Variants in SNX25 observed in about 807,000 individuals in gnomAD.
SNX25 encodes sorting nexin-25.
In SNX25, 62 loss-of-function variants were observed where a neutral mutation model predicts 113.7. The ratio of observed to expected loss-of-function variants is 0.55; its 90% CI spans 0.44 to 0.67. The LOEUF is 0.67. Ranked by LOEUF, SNX25 falls within the 30% of genes least tolerant of loss-of-function variation. The pLI, the probability that SNX25 is intolerant of heterozygous loss-of-function variation, is 0.00. For synonymous variants in SNX25, 421 were observed against 436.2 expected (o/e 0.97, Z 0.43); for missense variants, 1,014 against 1,161.0 (o/e 0.87, Z 1.84).
At chr4:185,367,258 A>G (rs761458058), downstream of SNX25, 5 of 1,610,052 alleles carry the variant, frequency 3.1e-6, no homozygotes, top group Non-Finnish European at 4.2e-6. Flanking sequence ...TAAAATCAAA[A>G]AGAGTCAGAT....
intron 1 of SNX25, among the ~76,000 whole-genome samples, chr4:185,241,621 G>C (rs112087053): frequency 6.7e-6 from 1 of 149,740 alleles, no homozygotes; most frequent in African/African-American, 2.5e-5. Context: ...ACAGGATAGC[G>C]GTCTGGTTCA....
chr4:185,312,117 G>C (rs2095035815), intron 7 of SNX25, among the ~76,000 whole-genome samples: 1 of 152,018 alleles, frequency 6.6e-6, no homozygotes, highest in African/African-American at 2.4e-5. Flanking sequence ...TTAATTTCTA[G>C]CCACATTTAT....
rs751250321 is a variant in SNX25 at position 185,346,558 on chromosome 4, G to A, written c.2209G>A (p.Val737Ile). The change falls in exon 13 of 19, where the codon GTC becomes ATC. Residue 737 changes from valine to isoleucine, a missense_variant. Val to Ile is a conservative substitution (Grantham distance 29, BLOSUM62 3). Coordinates refer to ENST00000652585, the MANE Select transcript of SNX25 (RefSeq NM_001378034.2). ...ACAGTGCGTCCCTTCTTTAAAAAAAGTCCAGTTGCCTTCTCTTAGCAAGCT... is the reference window on the plus strand; with the variant it reads ...ACAGTGCGTCCCTTCTTTAAAAAAAATCCAGTTGCCTTCTCTTAGCAAGCT... ...LSECVPSLKK[V>I]QLPSLSKLPF... 6.3e-7 allele frequency: 1 copy of A among 1,594,230 alleles called. No individual in the cohort carries two copies. Among genetic ancestry groups the A allele is most frequent in the Non-Finnish European group, 8.5e-7 (1 of 1,174,616 alleles).
chr4:185,327,517 G>T (rs2095164824), intron 9 of SNX25, among the ~76,000 whole-genome samples: 1 of 152,078 alleles, frequency 6.6e-6, no homozygotes, highest in Non-Finnish European at 1.5e-5. Context: ...TTTAGGACAA[G>T]AATTTACCAT....
chr4:185,274,916 A>G (rs994805334), intron 5 of SNX25, among the ~76,000 whole-genome samples: 17 of 152,200 alleles, frequency 1.1e-4, no homozygotes, highest in Non-Finnish European at 4.4e-5. Context: ...TTCAAATCCC[A>G]TATTTAAGGC....
intron 1 of SNX25, among the ~76,000 whole-genome samples, chr4:185,212,489 G>GTGTGTGTGTGTGTTTT (rs1560889937): frequency 2.3e-5 from 1 of 43,358 alleles, no homozygotes; most frequent in South Asian, 7.9e-4. Context: ...GTGTGTGTGT[G>GTGTGTGTGTGTGTTTT]TGTTTTTTTT....
intron 3 of SNX25, among the ~76,000 whole-genome samples, chr4:185,261,216 T>A (rs1031469187): frequency 6.6e-6 from 1 of 152,004 alleles, no homozygotes; most frequent in Non-Finnish European, 1.5e-5. Context: ...CCTCACTCTT[T>A]ACCCAGGCTG....
chr4:185,283,041 A>C (rs1287298993), intron 5 of SNX25, among the ~76,000 whole-genome samples: 2 of 152,256 alleles, frequency 1.3e-5, no homozygotes, highest in Admixed American at 6.5e-5. Context: ...ATCCAGTAAC[A>C]GTGAATTAAA....
intron 14 of SNX25, among the ~76,000 whole-genome samples, chr4:185,352,346 G>A (rs2095319827): frequency 2.0e-5 from 3 of 152,122 alleles, no homozygotes; most frequent in South Asian, 2.1e-4. Flanking sequence ...AGGTGGCTTC[G>A]AGTTTGGACA....
Position 185,220,682 on chromosome 4 carries a change from A to G in SNX25, c.429+10427A>G, listed in dbSNP as rs12645368. On this transcript the variant is annotated intron_variant, in intron 1 of 18. Transcript: ENST00000652585. ...TTTTTAGTAGAGACGGGGTTTCACC[A>G]TGTTAGCCAGGATGGTCTCGATCTC... Among the ~76,000 whole-genome samples, 113 of 151,962 alleles carry G rather than the reference A, an allele frequency of 7.4e-4. No homozygotes were observed. In the East Asian group the frequency reaches 8.7e-3, roughly 12 times the overall value.
At chr4:185,253,425 A>G (rs1207669972) in intron 2 of SNX25, among the ~76,000 whole-genome samples, 1 of 151,698 alleles carries the variant, frequency 6.6e-6, no homozygotes, top group Non-Finnish European at 1.5e-5. Flanking sequence ...CATTTTTTGC[A>G]ATTAATGTTA....
chr4:185,214,250 A>T (rs1403858541), intron 1 of SNX25, among the ~76,000 whole-genome samples: 1 of 152,088 alleles, frequency 6.6e-6, no homozygotes, highest in East Asian at 1.9e-4. Context: ...GAGGGCTGAT[A>T]CAAGAAGTCC....
At chr4:185,284,635 C>T (rs934175627) in intron 5 of SNX25, among the ~76,000 whole-genome samples, 2 of 152,018 alleles carry the variant, frequency 1.3e-5, no homozygotes, top group South Asian at 2.1e-4. Context: ...GTGAAGGGAA[C>T]GTAGGCAGGA....
upstream of SNX25, among the ~76,000 whole-genome samples, chr4:185,207,437 C>A (rs1315675709): frequency 6.6e-6 from 1 of 152,014 alleles, no homozygotes; most frequent in African/African-American, 2.4e-5. Context: ...AGGCTGGTCT[C>A]AAACTCCTGA....
At chr4:185,264,364 AT>A in intron 3 of SNX25, 73 bp from the exon 4 acceptor site, 9 of 1,380,130 alleles carry the variant, frequency 6.5e-6, no homozygotes, top group Non-Finnish European at 7.0e-6. Flanking sequence ...CATTTGAAAT[AT>A]TTTTTACCTA....
chr4:185,372,904 T>C, downstream of SNX25: 2 of 1,612,756 alleles, frequency 1.2e-6, no homozygotes, highest in Non-Finnish European at 8.5e-7. Flanking sequence ...CTTATAGTAA[T>C]ACTCCACGAG....
At chr4:185,321,782 GA>G (rs554613661) in intron 8 of SNX25, among the ~76,000 whole-genome samples, 124 of 152,030 alleles carry the variant, frequency 8.2e-4, no homozygotes, top group African/African-American at 2.5e-3. Context: ...TATTTGGGGG[GA>G]AAAAAACTGC....
rs140774776 is a variant in SNX25 at position 185,231,863 on chromosome 4, T to C, written c.430-15431T>C. Among the ~76,000 whole-genome samples, 420 of 152,324 alleles carry C rather than the reference T, an allele frequency of 2.8e-3. 2 individuals are homozygous for C. The highest frequency in any genetic ancestry group is 9.5e-3 in the African/African-American group (395 of 41,580). On this transcript the variant is annotated intron_variant, in intron 1 of 18. Transcript: ENST00000652585. ...CAATTAAAAGGGATATAAAAGTCTGTCTCTTTGAGTAGATTTAATTGCATT... is the reference window on the plus strand; with the variant it reads ...CAATTAAAAGGGATATAAAAGTCTGCCTCTTTGAGTAGATTTAATTGCATT...
chr4:185,263,815 GA>G (rs1230953302), intron 3 of SNX25, among the ~76,000 whole-genome samples: 3 of 152,182 alleles, frequency 2.0e-5, no homozygotes, highest in Non-Finnish European at 2.9e-5. Flanking sequence ...GGGAAGTATA[GA>G]AAGTTCTGTT....
Sources: allele counts gnomAD v4.1 joint callset (sites outside exome capture counted in the v4.1 genomes callset), GRCh38; gene constraint gnomAD v4.1.1; transcripts MANE v1.5; gene names NCBI Gene and HGNC (gene_info 2026-07-23, HGNC 2026-07-21).